The following LRRD1 variants were observed in gnomAD, a reference collection of about 807,000 sequenced individuals.
The protein encoded by LRRD1 is leucine-rich repeat and death domain-containing protein 1.
A neutral mutation model predicts 69.5 loss-of-function variants in LRRD1; 49 were observed. The ratio of observed to expected loss-of-function variants is 0.70; its 90% confidence interval spans 0.56 to 0.89. The LOEUF (loss-of-function observed/expected upper bound fraction) is 0.89, where lower values mean the gene tolerates loss of function less well. LRRD1 is among the 40% of genes least tolerant of loss of function. LRRD1 has a pLI of 0.00. For missense variants in LRRD1, 853 were observed against 956.0 expected (o/e 0.89, Z 1.42); for synonymous variants, 303 against 338.9 (o/e 0.89, Z 1.16).
chr7:92,174,936 T>C (rs1438188371), intron 1 of LRRD1, among the ~76,000 whole-genome samples: 2 of 151,704 alleles, frequency 1.3e-5, no homozygotes, highest in East Asian at 3.9e-4. Context: ...GGAGTGGTGG[T>C]CCATGCCTGT....
intron 3 of LRRD1, among the ~76,000 whole-genome samples, chr7:92,152,858 C>T (rs889794997): frequency 1.3e-5 from 2 of 151,972 alleles, no homozygotes; most frequent in East Asian, 1.9e-4. Flanking sequence ...TTAGTAGAGA[C>T]GAGGTTTCAC....
chr7:92,143,369 G>A (rs1262536036), downstream of LRRD1, among the ~76,000 whole-genome samples: 2 of 152,062 alleles, frequency 1.3e-5, no homozygotes, highest in African/African-American at 2.4e-5. Flanking sequence ...CCGTGTGCCC[G>A]CACTCCTCAG....
intron 4 of LRRD1, among the ~76,000 whole-genome samples, chr7:92,146,999 C>T (rs1820343708): frequency 6.6e-6 from 1 of 151,458 alleles, no homozygotes; most frequent in Non-Finnish European, 1.5e-5. Flanking sequence ...GACATTTGTT[C>T]CATTTTTTTC....
In LRRD1 at chr7:92,164,157, A is replaced by G; in HGVS notation, c.1046T>C (p.Leu349Pro). The change falls in exon 2 of 6, where the codon CTC (leucine) becomes CCC (proline). Residue 349 changes from leucine to proline, a missense_variant. Physicochemically the swap from Leu to Pro is moderately conservative, Grantham distance 98. This residue lies in a region of LRRD1 where 739 missense variants were observed against 808.0 expected (regional missense o/e 0.91). Coordinates refer to ENST00000458448, the MANE Select transcript of LRRD1 (RefSeq NM_001161528.2). Reference protein sequence around the residue: ...TFLAVEIFQLLKIKELQLADN... With the variant: ...TFLAVEIFQLPKIKELQLADN... ...GGCCAGTTGGAGTTCTTTTATTTTG[A>G]GTAACTGAAAAATTTCTACAGCCAG... is the stretch of plus-strand genomic sequence containing the variant. 6.5e-7 allele frequency: 1 copy of G among 1,548,016 alleles called. No individual in the cohort carries two copies. Among genetic ancestry groups the G allele is most frequent in the South Asian group, 1.2e-5 (1 of 83,370 alleles).
chr7:92,167,611 C>A (rs1297383064), intron 1 of LRRD1, among the ~76,000 whole-genome samples: 1 of 151,810 alleles, frequency 6.6e-6, no homozygotes, highest in African/African-American at 2.4e-5. Context: ...GGCGCGGTGG[C>A]TCACGCCTGT....
chr7:92,155,168 C>G (rs1369494612), intron 3 of LRRD1, among the ~76,000 whole-genome samples: 1 of 152,148 alleles, frequency 6.6e-6, no homozygotes. Context: ...TATGGTGTAT[C>G]CAAATTGCCA....
chr7:92,151,478 G>A (rs551261494), intron 3 of LRRD1, among the ~76,000 whole-genome samples: 5 of 152,232 alleles, frequency 3.3e-5, no homozygotes, highest in South Asian at 2.1e-4. Flanking sequence ...AAATTTTATC[G>A]CTTGGATAAC....
chr7:92,171,849 A>T (rs943680823), intron 1 of LRRD1, among the ~76,000 whole-genome samples: 2 of 152,276 alleles, frequency 1.3e-5, no homozygotes, highest in Admixed American at 1.3e-4. Flanking sequence ...CAGGGATGCA[A>T]TGATGGTTCA....
Position 92,165,246 on chromosome 7 carries a change from G to A in LRRD1, c.-44C>T, listed in dbSNP as rs1162696953. ...TTATGCCAATACAAAATTGTAACTT[G>A]ATTTTAATTTTCATGTTTTTTCCTT... On this transcript the variant is annotated 5_prime_UTR_variant, in exon 2 of 6. Transcript: ENST00000458448. 2 of 1,154,294 alleles carry A rather than the reference G, an allele frequency of 1.7e-6. No homozygotes were observed. Among genetic ancestry groups the A allele is most frequent in the Admixed American group, 3.4e-5 (1 of 28,998 alleles). 71.5% of individuals were successfully genotyped at this position (1,154,294 alleles called of 1,614,324 possible).
chr7:92,170,727 T>C (rs1789039285), intron 1 of LRRD1, among the ~76,000 whole-genome samples: 1 of 152,236 alleles, frequency 6.6e-6, no homozygotes, highest in South Asian at 2.1e-4. Flanking sequence ...ACACTTCACC[T>C]AATCGCTGCA....
At position 92,159,293 on chromosome 7, in the gene LRRD1, G is replaced by A. The variant is rs1490383360; in HGVS notation, c.1918-90C>T. On this transcript the variant is annotated intron_variant, in intron 2 of 5. Transcript: ENST00000458448. Reference sequence around the variant, plus strand: ...TTCTAAAATCAAATGAAAGAGTTTTGTCTGTTTTTGTTTTTGTCTTAAAAA... The same window carrying A: ...TTCTAAAATCAAATGAAAGAGTTTTATCTGTTTTTGTTTTTGTCTTAAAAA... The A allele has an allele frequency of 5.3e-6, 5 of 935,214 alleles. No individual in the cohort carries two copies. In the South Asian group the frequency reaches 8.9e-5, roughly 17 times the overall value. 57.9% of individuals were successfully genotyped at this position (935,214 alleles called of 1,614,324 possible). A position where few individuals can be genotyped will look rare whatever the true frequency, so the allele number is the denominator to read the frequency against.
chr7:92,152,933 G>T (rs959019101), intron 3 of LRRD1, among the ~76,000 whole-genome samples: 9 of 152,204 alleles, frequency 5.9e-5, no homozygotes, highest in African/African-American at 2.2e-4. Context: ...CTCCCAAAGT[G>T]CTGGGATTAC....
intron 1 of LRRD1, among the ~76,000 whole-genome samples, chr7:92,174,124 G>A (rs1789113898): frequency 6.6e-6 from 1 of 151,998 alleles, no homozygotes; most frequent in African/African-American, 2.4e-5. Flanking sequence ...GAGCTAAAAA[G>A]TAAATGAAGA....
intron 3 of LRRD1, among the ~76,000 whole-genome samples, chr7:92,152,086 CTTTTAGTGAATAATCA>C (rs947394897): frequency 1.3e-5 from 2 of 148,328 alleles, no homozygotes; most frequent in African/African-American, 2.5e-5. Context: ...AAACTGGTTC[CTTTTAGTGAATAATCA>C]TATTTAGAAA....
intron 1 of LRRD1, among the ~76,000 whole-genome samples, chr7:92,171,869 T>C (rs771652701): frequency 3.3e-5 from 5 of 152,206 alleles, no homozygotes; most frequent in Non-Finnish European, 5.9e-5. Flanking sequence ...ATTCAACATA[T>C]GAAAATCAAT....
chr7:92,168,781 T>A (rs1788984354), intron 1 of LRRD1, among the ~76,000 whole-genome samples: 1 of 152,210 alleles, frequency 6.6e-6, no homozygotes, highest in African/African-American at 2.4e-5. Flanking sequence ...TCTTTCAATG[T>A]ACATATGTAC....
Position 92,144,996 on chromosome 7 carries a change from A to G in LRRD1, c.2475T>C (p.Ala825=), listed in dbSNP as rs1420724738. Residue 825 remains alanine, a synonymous_variant, in exon 6 of 6, where the codon GCT becomes GCC. Transcript: ENST00000458448. Reference sequence around the variant, plus strand: ...GAATTAGTTGATCTCTTAAAGCAGCAGCAGTTAGTGATAACTTGTTACTTT... The same window carrying G: ...GAATTAGTTGATCTCTTAAAGCAGCGGCAGTTAGTGATAACTTGTTACTTT... The part of the protein sequence containing the change: ...KTQSNKLSLT[A]AALRDQLIRA... The G allele has an allele frequency of 6.5e-7, 1 of 1,542,864 alleles. No individual in the cohort carries two copies. Among genetic ancestry groups the G allele is most frequent in the Non-Finnish European group, 8.8e-7 (1 of 1,141,502 alleles).
At chr7:92,178,498 C>A (rs1385410979) in intron 1 of LRRD1, among the ~76,000 whole-genome samples, 1 of 151,926 alleles carries the variant, frequency 6.6e-6, no homozygotes, top group East Asian at 1.9e-4. Flanking sequence ...GGGTGAAACC[C>A]CGTCTCTACT....
Position 92,164,867 on chromosome 7 carries a change from AG to A in LRRD1, c.335del (p.Ala112ValfsTer11), listed in dbSNP as rs1304482344. The A allele has an allele frequency of 6.4e-7, 1 of 1,551,544 alleles. No homozygotes were observed. Among genetic ancestry groups the A allele is most frequent in the African/African-American group, 1.4e-5 (1 of 73,066 alleles). ...SLTGRTAEYQALVNFLSHETV... is the reference protein window; with the variant it reads ...SLTGRTAEYQXLVNFLSHETV... ...TTTCATGAGATAGGAAGTTAACCAA[AG>A]CCTGATATTCTGCAGTCCTCCCAGT... On this transcript the variant is annotated frameshift_variant, in exon 2 of 6. Transcript: ENST00000458448. LOFTEE classifies it high-confidence loss of function.
Sources: allele counts gnomAD v4.1 joint callset (sites outside exome capture counted in the v4.1 genomes callset), GRCh38; gene constraint gnomAD v4.1.1; regional missense constraint gnomAD v4.1.1; transcripts MANE v1.5; gene names NCBI Gene and HGNC (gene_info 2026-07-23, HGNC 2026-07-21).